The following PLCZ1 variants were observed in gnomAD, a reference collection of about 807,000 sequenced individuals.
PLCZ1 encodes the protein 1-phosphatidylinositol 4,5-bisphosphate phosphodiesterase zeta-1.
A neutral mutation model predicts 76.8 loss-of-function variants in PLCZ1; 64 were observed. The ratio of observed to expected loss-of-function variants is 0.83; its 90% CI spans 0.68 to 1.03. The LOEUF is 1.03. Among genes scored for constraint, PLCZ1 ranks in the 50% least tolerant of loss-of-function variants. The probability of loss-of-function intolerance (pLI) is 0.00; values close to 1 mark genes in which losing one functional copy is unlikely to be tolerated. For missense variants in PLCZ1, 751 were observed against 713.7 expected (o/e 1.05, Z -0.60); for synonymous variants, 248 against 230.8 (o/e 1.07, Z -0.68).
At chr12:18,730,375 A>G (rs1156564475) in intron 3 of PLCZ1, among the ~76,000 whole-genome samples, 2 of 152,126 alleles carry the variant, frequency 1.3e-5, no homozygotes, top group African/African-American at 2.4e-5. Flanking sequence ...TAATGCATAC[A>G]TGGCAATTTA....
chr12:18,699,384 G>A (rs1405473734), intron 10 of PLCZ1, among the ~76,000 whole-genome samples: 3 of 152,122 alleles, frequency 2.0e-5, no homozygotes, highest in Admixed American at 6.5e-5. Context: ...CAGAGGTATC[G>A]TTTAGAAATA....
chr12:18,697,687 A>G (rs978034249), intron 10 of PLCZ1, among the ~76,000 whole-genome samples: 1 of 152,108 alleles, frequency 6.6e-6, no homozygotes, highest in African/African-American at 2.4e-5. Context: ...ATTCTTTTGT[A>G]TGTGTATAAT....
At chr12:18,720,382 G>A (rs559234604) in intron 4 of PLCZ1, among the ~76,000 whole-genome samples, 2 of 151,522 alleles carry the variant, frequency 1.3e-5, no homozygotes, top group South Asian at 4.2e-4. Context: ...GCATGCCTAG[G>A]AATGGAATTT....
chr12:18,694,294 C>T (rs1476625642), intron 12 of PLCZ1, among the ~76,000 whole-genome samples: 2 of 152,040 alleles, frequency 1.3e-5, no homozygotes, highest in African/African-American at 2.4e-5. Flanking sequence ...CAGTCTGCTT[C>T]CCAATAAAGC....
At chr12:18,650,698 GTGTGTGTATATATCTATATATATATA>G in the PLCZ1 span, among the ~76,000 whole-genome samples, 14 of 29,112 alleles carry the variant, frequency 4.8e-4, no homozygotes, top group African/African-American at 1.1e-3. Context: ...GTGTGTGTGT[GTGTGTGTATATATCTATATATATATA>G]TATATATATA....
downstream of PLCZ1, among the ~76,000 whole-genome samples, chr12:18,681,690 C>T (rs1453375972): frequency 1.3e-5 from 2 of 151,914 alleles, no homozygotes; most frequent in African/African-American, 2.4e-5. Flanking sequence ...TCGCAAAGTC[C>T]GTATTCCTAA....
intron 12 of PLCZ1, among the ~76,000 whole-genome samples, chr12:18,689,930 G>A (rs887927060): frequency 2.0e-5 from 3 of 152,102 alleles, no homozygotes; most frequent in Middle Eastern, 3.2e-3. Context: ...AGAGGCAACA[G>A]AGAAAGACCC....
the PLCZ1 span, among the ~76,000 whole-genome samples, chr12:18,651,599 A>T: frequency 6.6e-6 from 1 of 152,038 alleles, no homozygotes; most frequent in Admixed American, 6.6e-5. Context: ...TCTAGTTGTG[A>T]CTCAGAAACA....
chr12:18,694,119 G>C, intron 12 of PLCZ1: 1 of 951,614 alleles, frequency 1.1e-6, no homozygotes. Context: ...GCTGCCATCA[G>C]GAAAATGGTT....
chr12:18,712,924 G>T lies in PLCZ1; in HGVS notation c.632C>A (p.Pro211His). ...GAGTGTGTAGCCATGATATACAACA[G>T]GTTCATTTTGTGCTCCATCCCAGCA... ...IDCWDGAQNE[P>H]VVYHGYTLTS... is the part of the protein sequence containing the mutation. Residue 211 changes from proline to histidine, a missense_variant, in exon 6 of 15, where the codon CCT becomes CAT. Coordinates refer to ENST00000266505, the MANE Select transcript of PLCZ1 (RefSeq NM_033123.4). The T allele has an allele frequency of 6.2e-7, 1 of 1,613,916 alleles. No individual in the cohort carries two copies. Among genetic ancestry groups the T allele is most frequent in the Non-Finnish European group, 8.5e-7 (1 of 1,179,866 alleles).
At chr12:18,670,846 A>G in the PLCZ1 span, among the ~76,000 whole-genome samples, 1 of 152,156 alleles carries the variant, frequency 6.6e-6, no homozygotes, top group Non-Finnish European at 1.5e-5. Flanking sequence ...ACTTGATCAA[A>G]TCAGTTAGGA....
chr12:18,693,801 T>C, intron 12 of PLCZ1: 1 of 1,518,236 alleles, frequency 6.6e-7, no homozygotes, highest in Non-Finnish European at 9.1e-7. Flanking sequence ...CCAGCGCTTA[T>C]CAGACCAGGC....
rs1394175670 is a variant in PLCZ1, at chr12:18,719,424, T to C, written c.569+7A>G. ...AAATGTAATAGATTTAAAAATAAAA[T>C]AAATACCTTACATATCCCCAAAGGT... On this transcript the variant is annotated splice_region_variant and intron_variant, in intron 5 of 14. Coordinates refer to ENST00000266505, the MANE Select transcript of PLCZ1 (RefSeq NM_033123.4). 1 of 1,421,074 alleles carries C rather than the reference T, an allele frequency of 7.0e-7. No individual in the cohort carries two copies. The highest frequency in any genetic ancestry group is 1.5e-5 in the African/African-American group (1 of 68,286). The allele number at this position is 1,421,074 out of a possible 1,614,324, so 88.0% of individuals were successfully genotyped here. A position where few individuals can be genotyped will look rare whatever the true frequency, so the allele number is the denominator to read the frequency against.
intron 13 of PLCZ1, among the ~76,000 whole-genome samples, chr12:18,684,770 G>A (rs1328351099): frequency 1.3e-5 from 2 of 151,932 alleles, no homozygotes; most frequent in Non-Finnish European, 2.9e-5. Context: ...TAAGCTTTGT[G>A]CCCCCACCCA....
At chr12:18,673,984 GTATTC>G in the PLCZ1 span, among the ~76,000 whole-genome samples, 1 of 152,188 alleles carries the variant, frequency 6.6e-6, no homozygotes, top group Non-Finnish European at 1.5e-5. Context: ...TCATGTTGCT[GTATTC>G]TATTGGATAA....
chr12:18,671,176 G>A, the PLCZ1 span, among the ~76,000 whole-genome samples: 1 of 138,336 alleles, frequency 7.2e-6, no homozygotes, highest in Non-Finnish European at 1.5e-5. Flanking sequence ...GTGACAGGGT[G>A]AGACTCCATC....
At chr12:18,733,580 A>G (rs1031743035) in intron 3 of PLCZ1, among the ~76,000 whole-genome samples, 1 of 152,082 alleles carries the variant, frequency 6.6e-6, no homozygotes, top group African/African-American at 2.4e-5. Context: ...ATTTTCTTCT[A>G]TGAGTTTCAT....
intron 12 of PLCZ1, 24 bp downstream of exon 12, chr12:18,694,886 T>C: frequency 6.5e-7 from 1 of 1,540,784 alleles, no homozygotes. Context: ...CCAAAAAATG[T>C]AAAAGAAAAT....
rs891065789 is a variant in PLCZ1, at chr12:18,683,602, A to C, written c.1742-278T>G. 25 of 1,433,964 alleles carry C rather than the reference A, an allele frequency of 1.7e-5. No individual in the cohort carries two copies. In the East Asian group the frequency reaches 8.0e-4, roughly 46 times the overall value. The allele number at this position is 1,433,964 out of a possible 1,614,324, so 88.8% of individuals were successfully genotyped here. A position where few individuals can be genotyped will look rare whatever the true frequency, so the allele number is the denominator to read the frequency against. On this transcript the variant is annotated intron_variant, in intron 14 of 14. Transcript: ENST00000266505. The stretch of plus-strand genomic sequence containing the variant: ...TTAGCCACCACCCTTCTGCTTCAGG[A>C]AGACCTGTTTCCTAGGCACATCTCA...
Sources: gnomAD v4.1 joint callset for allele counts (sites outside exome capture counted in the v4.1 genomes callset) on GRCh38, gnomAD v4.1.1 for gene constraint, MANE v1.5 for transcripts, NCBI Gene and HGNC (gene_info 2026-07-23, HGNC 2026-07-21) for gene names.